The following TOX3 variants were observed in gnomAD, a reference collection of about 807,000 sequenced individuals.
TOX3 encodes the protein CAG trinucleotide repeat-containing gene F9 protein.
TOX3 carries 22 observed loss-of-function variants against 64.3 expected under a neutral mutation model. The observed-to-expected ratio is 0.34, with a 90% CI of 0.24 to 0.49. The LOEUF is 0.49. Ranked by LOEUF, TOX3 falls within the 20% of genes least tolerant of loss-of-function variation. The probability of loss-of-function intolerance (pLI) is 0.99; values close to 1 mark genes in which losing one functional copy is unlikely to be tolerated. For missense variants in TOX3, 661 were observed against 714.4 expected (o/e 0.93, Z 0.85); for synonymous variants, 291 against 273.6 (o/e 1.06, Z -0.63).
intron 1 of TOX3, among the ~76,000 whole-genome samples, chr16:52,485,546 G>A (rs1169759390): frequency 6.6e-6 from 1 of 151,770 alleles, no homozygotes; most frequent in Non-Finnish European, 1.5e-5. Flanking sequence ...TCACTATTTG[G>A]GTAACAGGTA....
intron 3 of TOX3, among the ~76,000 whole-genome samples, chr16:52,462,141 T>C (rs904217404): frequency 2.6e-5 from 4 of 152,122 alleles, no homozygotes; most frequent in Non-Finnish European, 5.9e-5. Flanking sequence ...ATAAATGTGA[T>C]GAGGTCCATG....
intron 1 of TOX3, chr16:52,519,611 G>A: frequency 7.1e-7 from 1 of 1,409,370 alleles, no homozygotes; most frequent in Non-Finnish European, 9.3e-7. Context: ...CAACATGGTT[G>A]GGCAATCAGC....
At chr16:52,519,976 CAA>C (rs61541718) in intron 1 of TOX3, among the ~76,000 whole-genome samples, 6,055 of 127,550 alleles carry the variant, frequency 0.047, 414 homozygotes, top group African/African-American at 0.15. Flanking sequence ...GTCTCAAAAA[CAA>C]AAAAAAAAAA....
chr16:52,439,331 G>C lies in TOX3; in HGVS notation c.1625C>G (p.Ser542Cys), dbSNP rs988379472. ...QHSPVASQITSPIPAIGSPQP... is the reference protein window; with the variant it reads ...QHSPVASQITCPIPAIGSPQP... ...GGGGCTCCCGATGGCAGGGATGGGGGATGTTATCTGAGAGGCGACAGGGGA... is the reference window on the plus strand; with the variant it reads ...GGGGCTCCCGATGGCAGGGATGGGGCATGTTATCTGAGAGGCGACAGGGGA... The change falls in exon 7 of 7, where the codon TCC (serine) becomes TGC (cysteine). Residue 542 changes from serine (S) to cysteine (C), a missense_variant. This residue lies in a region of TOX3 where 299 missense variants were observed against 292.1 expected (regional missense o/e 1.02). Coordinates refer to ENST00000219746, the MANE Select transcript of TOX3 (RefSeq NM_001080430.4). 9.3e-6 allele frequency: 15 copies of C among 1,613,338 alleles called. No homozygotes were observed. Among genetic ancestry groups the C allele is most frequent in the Non-Finnish European group, 1.3e-5 (15 of 1,179,556 alleles).
At chr16:52,451,450 CTATT>C (rs1960342849) in intron 3 of TOX3, among the ~76,000 whole-genome samples, 1 of 152,128 alleles carries the variant, frequency 6.6e-6, no homozygotes. Context: ...TGCTTATTCT[CTATT>C]TTTTTTTAAT....
At chr16:52,447,651 T>C (rs1469109587) in intron 4 of TOX3, among the ~76,000 whole-genome samples, 1 of 152,144 alleles carries the variant, frequency 6.6e-6, no homozygotes, top group East Asian at 1.9e-4. Context: ...ACTCACACAA[T>C]TGATTCAATA....
chr16:52,487,706 C>A (rs1309980793), intron 1 of TOX3, among the ~76,000 whole-genome samples: 1 of 152,144 alleles, frequency 6.6e-6, no homozygotes, highest in African/African-American at 2.4e-5. Flanking sequence ...ACAAGAGAAT[C>A]AGATGAGGGT....
At chr16:52,518,644 C>T (rs1962519120) in intron 1 of TOX3, among the ~76,000 whole-genome samples, 1 of 152,164 alleles carries the variant, frequency 6.6e-6, no homozygotes, top group Admixed American at 6.5e-5. Flanking sequence ...GAATTGTCAG[C>T]AATGTATTTC....
chr16:52,489,400 A>C (rs1322713152), intron 1 of TOX3, among the ~76,000 whole-genome samples: 1 of 152,152 alleles, frequency 6.6e-6, no homozygotes, highest in Non-Finnish European at 1.5e-5. Flanking sequence ...CGCTGTGATC[A>C]TTAAGTCTAC....
intron 1 of TOX3, among the ~76,000 whole-genome samples, chr16:52,528,828 G>A (rs1274415088): frequency 6.6e-6 from 1 of 152,170 alleles, no homozygotes; most frequent in Non-Finnish European, 1.5e-5. Flanking sequence ...TTTTATAAGA[G>A]GTTAACTGCT....
At chr16:52,445,090 T>C (rs1020172491) in intron 5 of TOX3, 15 of 152,224 alleles carry the variant, frequency 9.9e-5, no homozygotes, top group Admixed American at 3.9e-4. Flanking sequence ...CTCAGAATTA[T>C]ATTTCTGGGA....
intron 1 of TOX3, among the ~76,000 whole-genome samples, chr16:52,514,375 A>G (rs2151474187): frequency 6.6e-6 from 1 of 152,346 alleles, no homozygotes; most frequent in East Asian, 1.9e-4. Context: ...GTCAACCATG[A>G]ATCATAAGCC....
chr16:52,475,749 A>C (rs1961188477), intron 1 of TOX3: 1 of 152,156 alleles, frequency 6.6e-6, no homozygotes, highest in Non-Finnish European at 1.5e-5. Flanking sequence ...TTCTAAAAAA[A>C]CTGCTTTATA....
In TOX3 at chr16:52,438,350, T is replaced by C. The variant is rs1959815231; in HGVS notation, c.*875A>G. ...ATTCAGATGTGGTGTGCCTTTTAAATATTCTACTGGTATTACATCATAATA... is the reference window on the plus strand; with the variant it reads ...ATTCAGATGTGGTGTGCCTTTTAAACATTCTACTGGTATTACATCATAATA... On this transcript the variant is annotated 3_prime_UTR_variant, in exon 7 of 7. Coordinates refer to ENST00000219746, the MANE Select transcript of TOX3 (RefSeq NM_001080430.4). 6.5e-6 allele frequency: 1 copy of C among 152,704 alleles called. No individual in the cohort carries two copies. The highest frequency in any genetic ancestry group is 2.4e-5 in the African/African-American group (1 of 41,476). 9.5% of individuals were successfully genotyped at this position (152,704 alleles called of 1,614,324 possible).
intron 1 of TOX3, among the ~76,000 whole-genome samples, chr16:52,536,714 T>G (rs1421106494): frequency 1.4e-5 from 2 of 143,600 alleles, no homozygotes; most frequent in Non-Finnish European, 3.0e-5. Context: ...TTTCTCACTC[T>G]ATATCCATAC....
intron 1 of TOX3, among the ~76,000 whole-genome samples, chr16:52,518,817 A>G (rs1750165752): frequency 6.6e-6 from 1 of 152,270 alleles, no homozygotes; most frequent in South Asian, 2.1e-4. Flanking sequence ...TACAAGCCTG[A>G]TGATCAATGA....
rs187055928 is a variant in TOX3, at chr16:52,544,210, T to C, written c.87+2427A>G. Among the ~76,000 whole-genome samples the C allele has an allele frequency of 3.3e-5, 5 of 152,338 alleles. No individual in the cohort carries two copies. The East Asian group carries it at 9.6e-4, about 29-fold the overall frequency. ...TATATGCTAGTTTTTACATTTTCAGTATAAACCTATATTGAACAGCACCAC... is the reference window on the plus strand; with the variant it reads ...TATATGCTAGTTTTTACATTTTCAGCATAAACCTATATTGAACAGCACCAC... On this transcript the variant is annotated intron_variant, in intron 1 of 6. Transcript: ENST00000219746.
intron 1 of TOX3, among the ~76,000 whole-genome samples, chr16:52,486,201 G>A (rs1354820784): frequency 2.6e-5 from 4 of 152,112 alleles, no homozygotes; most frequent in Non-Finnish European, 5.9e-5. Context: ...GCCTAGAGGA[G>A]AACCCTGAAG....
At chr16:52,535,099 T>C (rs1183148396) in intron 1 of TOX3, among the ~76,000 whole-genome samples, 1 of 152,176 alleles carries the variant, frequency 6.6e-6, no homozygotes, top group African/African-American at 2.4e-5. Context: ...ACTAAAACTT[T>C]GAAGTTTAGG....
Sources: allele counts gnomAD v4.1 joint callset (sites outside exome capture counted in the v4.1 genomes callset), GRCh38; gene constraint gnomAD v4.1.1; regional missense constraint gnomAD v4.1.1; transcripts MANE v1.5; gene names NCBI Gene and HGNC (gene_info 2026-07-23, HGNC 2026-07-21).